TENM2: variants seen among roughly 807,000 people sequenced by gnomAD.
TENM2 encodes the protein teneurin-2.
TENM2 carries 52 observed loss-of-function variants against 245.2 expected under a neutral mutation model. That is an observed-to-expected ratio of 0.21 (90% CI 0.17 to 0.27). The LOEUF (loss-of-function observed/expected upper bound fraction) is 0.27, where lower values mean the gene tolerates loss of function less well. Among genes scored for constraint, TENM2 ranks in the 10% least tolerant of loss-of-function variants. The pLI is 1.00. For missense variants in TENM2, 3,046 were observed against 3,666.8 expected (o/e 0.83, Z 4.37); for synonymous variants, 1,363 against 1,438.9 (o/e 0.95, Z 1.19).
At chr5:167,460,137 G>A (rs1766205919) in intron 2 of TENM2, among the ~76,000 whole-genome samples, 1 of 152,062 alleles carries the variant, frequency 6.6e-6, no homozygotes, top group African/African-American at 2.4e-5. Context: ...GTCCAGATAG[G>A]TTAAGTAATT....
intron 2 of TENM2, among the ~76,000 whole-genome samples, chr5:167,672,341 A>G (rs1451535355): frequency 2.0e-5 from 3 of 152,086 alleles, no homozygotes; most frequent in Admixed American, 6.6e-5. Flanking sequence ...TACCTTTAAT[A>G]AAAAAGATAG....
chr5:167,489,732 C>A (rs1582187423), intron 2 of TENM2, among the ~76,000 whole-genome samples: 1 of 152,208 alleles, frequency 6.6e-6, no homozygotes, highest in African/African-American at 2.4e-5. Context: ...ACAGTATGTA[C>A]TGGATATACA....
At chr5:167,728,964 G>T (rs1316076813) in intron 2 of TENM2, 2 of 152,246 alleles carry the variant, frequency 1.3e-5, no homozygotes, top group Non-Finnish European at 2.9e-5. Context: ...GCAAACACTT[G>T]TCATTTAAAG....
At chr5:167,258,217 A>ATG in the TENM2 span, among the ~76,000 whole-genome samples, 228 of 134,700 alleles carry the variant, frequency 1.7e-3, 8 homozygotes, top group East Asian at 0.051. Context: ...ATATATATGT[A>ATG]TATATATATG....
chr5:167,887,742 A>G (rs1365030405), intron 3 of TENM2, among the ~76,000 whole-genome samples: 1 of 152,198 alleles, frequency 6.6e-6, no homozygotes, highest in Non-Finnish European at 1.5e-5. Flanking sequence ...CGCTTAGTGT[A>G]TGGATTCATT....
At chr5:167,327,976 T>C (rs754979301) in intron 1 of TENM2, among the ~76,000 whole-genome samples, 1 of 152,144 alleles carries the variant, frequency 6.6e-6, no homozygotes, top group Non-Finnish European at 1.5e-5. Flanking sequence ...TAGGCTAAGA[T>C]AGTGAGAGTG....
chr5:168,183,892 A>G (rs1479493893), intron 13 of TENM2, among the ~76,000 whole-genome samples: 1 of 152,062 alleles, frequency 6.6e-6, no homozygotes, highest in East Asian at 1.9e-4. Context: ...AGTAGGTGAC[A>G]AGGTGCTCAC....
intron 20 of TENM2, among the ~76,000 whole-genome samples, chr5:168,212,812 G>T (rs1187350885): frequency 6.6e-6 from 1 of 152,154 alleles, no homozygotes; most frequent in African/African-American, 2.4e-5. Flanking sequence ...CAGGTATGGA[G>T]GCATGGCTGT....
At position 168,249,578 on chromosome 5, in the gene TENM2, G is replaced by A. The variant is rs1766915389; in HGVS notation, c.7432+1207G>A. Among the ~76,000 whole-genome samples the A allele has an allele frequency of 1.3e-5, 2 of 152,130 alleles. 1 individual carries two copies. Among genetic ancestry groups the A allele is most frequent in the South Asian group, 4.1e-4 (2 of 4,828 alleles). The stretch of plus-strand genomic sequence containing the variant: ...ATGGGACCTTGGCCGGCAGAAGTGA[G>A]CTCAAGGCTGAAGGAAGGCTATGAA... On this transcript the variant is annotated intron_variant, in intron 27 of 28. Coordinates refer to ENST00000518659, the Ensembl canonical transcript of TENM2.
chr5:168,001,506 A>G (rs1041746501), intron 5 of TENM2, among the ~76,000 whole-genome samples: 2 of 152,226 alleles, frequency 1.3e-5, no homozygotes, highest in Non-Finnish European at 2.9e-5. Flanking sequence ...CAATCGCTAC[A>G]AGGCACCGAG....
At chr5:167,831,232 TGTGA>T (rs1768451129) in intron 2 of TENM2, among the ~76,000 whole-genome samples, 1 of 152,182 alleles carries the variant, frequency 6.6e-6, no homozygotes, top group African/African-American at 2.4e-5. Context: ...GATGCAGGTC[TGTGA>T]GTATGAGTTT....
intron 2 of TENM2, among the ~76,000 whole-genome samples, chr5:167,618,702 T>G (rs1432876027): frequency 6.6e-6 from 1 of 152,148 alleles, no homozygotes; most frequent in Non-Finnish European, 1.5e-5. Flanking sequence ...CAACCTTCTT[T>G]GCAATAAATT....
intron 2 of TENM2, among the ~76,000 whole-genome samples, chr5:167,634,435 A>G (rs1365806607): frequency 6.6e-6 from 1 of 151,972 alleles, no homozygotes; most frequent in African/African-American, 2.4e-5. Context: ...TGTTATATCA[A>G]GCACAAAGAA....
At chr5:167,822,680 G>A (rs1359999913) in intron 2 of TENM2, among the ~76,000 whole-genome samples, 3 of 7,412 alleles carry the variant, frequency 4.0e-4, no homozygotes, top group East Asian at 8.9e-3. Context: ...TTTTTTCCAG[G>A]GGTCTTTTTT....
chr5:167,543,514 AC>A (rs1453786392), intron 2 of TENM2, among the ~76,000 whole-genome samples: 1 of 152,186 alleles, frequency 6.6e-6, no homozygotes, highest in Non-Finnish European at 1.5e-5. Context: ...CTTTATTCTC[AC>A]CAAGATTCCC....
the TENM2 span, among the ~76,000 whole-genome samples, chr5:167,101,778 G>A: frequency 7.0e-6 from 1 of 143,186 alleles, no homozygotes. Context: ...TCAGACGTAA[G>A]CAAAGATGAT....
At chr5:167,795,331 AGGAAAGTGTTTTGG>A (rs1254367749) in intron 2 of TENM2, among the ~76,000 whole-genome samples, 1 of 152,220 alleles carries the variant, frequency 6.6e-6, no homozygotes, top group Non-Finnish European at 1.5e-5. Flanking sequence ...GCTCTTTTGC[AGGAAAGTGTTTTGG>A]GGAAAGATAA....
At chr5:167,940,680 G>A (rs545559886) in intron 3 of TENM2, among the ~76,000 whole-genome samples, 1 of 152,292 alleles carries the variant, frequency 6.6e-6, no homozygotes, top group South Asian at 2.1e-4. Flanking sequence ...CTTATTTCTT[G>A]CAATATTTTC....
intron 2 of TENM2, among the ~76,000 whole-genome samples, chr5:167,405,856 A>G (rs1762612185): frequency 6.6e-6 from 1 of 151,908 alleles, no homozygotes; most frequent in Non-Finnish European, 1.5e-5. Context: ...TCCATTTCAT[A>G]GCATTATCTG....
Sources: allele counts gnomAD v4.1 joint callset (sites outside exome capture counted in the v4.1 genomes callset), GRCh38; gene constraint gnomAD v4.1.1; transcripts MANE v1.5; gene names NCBI Gene and HGNC (gene_info 2026-07-23, HGNC 2026-07-21).